EPHA5: variants seen among roughly 807,000 people sequenced by gnomAD.
The protein encoded by EPHA5 is ephrin type-A receptor 5.
In EPHA5, 60 loss-of-function variants were observed where a neutral mutation model predicts 105.0. That is an observed-to-expected ratio of 0.57 (90% CI 0.46 to 0.71). The LOEUF is 0.71. Among genes scored for constraint, EPHA5 ranks in the 30% least tolerant of loss-of-function variants. The pLI, the probability that EPHA5 is intolerant of heterozygous loss-of-function variation, is 0.00. For missense variants in EPHA5, 1,218 were observed against 1,274.7 expected (o/e 0.96, Z 0.68); for synonymous variants, 513 against 449.1 (o/e 1.14, Z -1.80).
At chr4:65,550,644 G>A (rs907495980) in intron 3 of EPHA5, among the ~76,000 whole-genome samples, 1 of 152,050 alleles carries the variant, frequency 6.6e-6, no homozygotes, top group African/African-American at 2.4e-5. Context: ...AATCATCCTT[G>A]CTAACACGGG....
At chr4:65,631,450 T>TAAAGTTA in intron 2 of EPHA5, among the ~76,000 whole-genome samples, 1 of 152,168 alleles carries the variant, frequency 6.6e-6, no homozygotes, top group Non-Finnish European at 1.5e-5. Context: ...AGTTCAAACA[T>TAAAGTTA]ACCAAAGAGA....
chr4:65,365,794 G>C (rs546902471), intron 10 of EPHA5, 138 bp downstream of exon 10: 18 of 778,480 alleles, frequency 2.3e-5, no homozygotes, highest in Non-Finnish European at 3.2e-5. Flanking sequence ...GTATTAAAAT[G>C]TGATCAGTTA....
intron 5 of EPHA5, among the ~76,000 whole-genome samples, chr4:65,473,294 T>C (rs990936437): frequency 1.3e-5 from 2 of 152,192 alleles, no homozygotes; most frequent in Non-Finnish European, 2.9e-5. Flanking sequence ...AGGTCCAAAG[T>C]TACTTTCACA....
chr4:65,633,242 A>G (rs1364151986), intron 2 of EPHA5, among the ~76,000 whole-genome samples: 1 of 152,046 alleles, frequency 6.6e-6, no homozygotes, highest in Admixed American at 6.6e-5. Flanking sequence ...ATTACAGTAT[A>G]TTTTTTCTCT....
In EPHA5 at chr4:65,404,390, C is replaced by G. The variant is rs756653935; in HGVS notation, c.1777G>C (p.Val593Leu). The change falls in exon 8 of 17, where the codon GTC becomes CTC. Residue 593 changes from valine (V) to leucine (L), a missense_variant. Coordinates refer to ENST00000613740, the MANE Select transcript of EPHA5 (RefSeq NM_001281766.3). ...GVILLAVVIGVLLSGRRCGYS... is the reference protein window; with the variant it reads ...GVILLAVVIGLLLSGRRCGYS... The stretch of plus-strand genomic sequence containing the variant: ...CTCTCTTACCTTCCACTGAGGAGGA[C>G]GCCGATAACCACTGCCAACAAAATG... The G allele has an allele frequency of 3.2e-5, 51 of 1,613,278 alleles. No individual in the cohort carries two copies. The Middle Eastern group carries it at 6.6e-4, about 21-fold the overall frequency.
intron 3 of EPHA5, among the ~76,000 whole-genome samples, chr4:65,531,516 T>C (rs1325292640): frequency 6.8e-6 from 1 of 146,196 alleles, no homozygotes; most frequent in African/African-American, 2.4e-5. Context: ...TATACTGAGA[T>C]GTCTTTGCAG....
intron 5 of EPHA5, among the ~76,000 whole-genome samples, chr4:65,444,346 C>T (rs1726310264): frequency 1.3e-5 from 2 of 151,940 alleles, no homozygotes; most frequent in African/African-American, 2.4e-5. Flanking sequence ...TATAGTACTG[C>T]CCAGTATAAT....
chr4:65,443,761 T>C (rs1475059989), intron 5 of EPHA5, among the ~76,000 whole-genome samples: 4 of 152,212 alleles, frequency 2.6e-5, no homozygotes, highest in Non-Finnish European at 5.9e-5. Flanking sequence ...GCATTCTCTC[T>C]TACTGGTGAA....
intron 3 of EPHA5, among the ~76,000 whole-genome samples, chr4:65,504,191 C>T (rs1231940708): frequency 6.6e-6 from 1 of 150,866 alleles, no homozygotes; most frequent in Non-Finnish European, 1.5e-5. Context: ...ATTTCCTTCC[C>T]ATAATTCAGA....
intron 3 of EPHA5, among the ~76,000 whole-genome samples, chr4:65,573,047 A>G (rs889732638): frequency 6.6e-6 from 1 of 152,038 alleles, no homozygotes; most frequent in African/African-American, 2.4e-5. Context: ...AAAAAAAAGA[A>G]TAATAAAAAT....
intron 3 of EPHA5, among the ~76,000 whole-genome samples, chr4:65,541,246 A>G (rs1242808839): frequency 6.6e-6 from 1 of 151,830 alleles, no homozygotes; most frequent in African/African-American, 2.4e-5. Context: ...AAATTCACAT[A>G]TAACAAAATT....
intron 3 of EPHA5, among the ~76,000 whole-genome samples, chr4:65,501,914 A>C (rs1455178225): frequency 6.6e-6 from 1 of 151,746 alleles, no homozygotes; most frequent in Non-Finnish European, 1.5e-5. Context: ...CACATAAACG[A>C]ATGGAACATA....
At chr4:65,598,717 C>G (rs560891562) in intron 3 of EPHA5, among the ~76,000 whole-genome samples, 126 of 152,230 alleles carry the variant, frequency 8.3e-4, no homozygotes, top group South Asian at 2.3e-3. Context: ...GAGCACAGAT[C>G]TGAAGGATTA....
At chr4:65,394,370 A>G (rs1158778543) in intron 8 of EPHA5, among the ~76,000 whole-genome samples, 1 of 152,208 alleles carries the variant, frequency 6.6e-6, no homozygotes, top group Admixed American at 6.6e-5. Context: ...AAAGGCCCTG[A>G]CGTCAGAGCT....
At chr4:65,400,775 T>G (rs1425833454) in intron 8 of EPHA5, among the ~76,000 whole-genome samples, 1 of 152,110 alleles carries the variant, frequency 6.6e-6, no homozygotes, top group Non-Finnish European at 1.5e-5. Flanking sequence ...AAAATACAAA[T>G]TTTCAGTGAA....
intron 11 of EPHA5, among the ~76,000 whole-genome samples, chr4:65,354,640 G>T (rs946587870): frequency 9.9e-5 from 15 of 151,684 alleles, no homozygotes; most frequent in African/African-American, 3.6e-4. Flanking sequence ...CTTCAGAAGA[G>T]TGTCTGTATT....
intron 5 of EPHA5, among the ~76,000 whole-genome samples, chr4:65,447,805 T>A (rs796599232): frequency 4.1e-5 from 6 of 145,072 alleles, no homozygotes; most frequent in African/African-American, 8.3e-5. Flanking sequence ...AAAAAAAAAA[T>A]GATTTGAAGA....
chr4:65,633,825 T>C (rs757004506), intron 2 of EPHA5, among the ~76,000 whole-genome samples: 5 of 152,062 alleles, frequency 3.3e-5, no homozygotes, highest in Non-Finnish European at 5.9e-5. Context: ...TTTGTTCACA[T>C]GTTTGCTTCC....
intron 8 of EPHA5, among the ~76,000 whole-genome samples, chr4:65,371,214 T>C (rs983375486): frequency 1.3e-5 from 2 of 152,138 alleles, no homozygotes; most frequent in Admixed American, 1.3e-4. Context: ...TCACATCCTC[T>C]AATCATTTAT....
Sources: gnomAD v4.1 joint callset for allele counts (sites outside exome capture counted in the v4.1 genomes callset) on GRCh38, gnomAD v4.1.1 for gene constraint, MANE v1.5 for transcripts, NCBI Gene and HGNC (gene_info 2026-07-23, HGNC 2026-07-21) for gene names.